RHPN1: variants seen among roughly 807,000 people sequenced by gnomAD.
The protein encoded by RHPN1 is rhophilin Rho GTPase binding protein 1.
In RHPN1, 77 loss-of-function variants were observed where a neutral mutation model predicts 74.7. The ratio of observed to expected loss-of-function variants is 1.03; its 90% CI spans 0.86 to 1.25. RHPN1 has a LOEUF of 1.25. Among genes scored for constraint, RHPN1 ranks in the 50% most tolerant of loss-of-function variants. The pLI is 0.00. For missense variants in RHPN1, 987 were observed against 932.2 expected (o/e 1.06, Z -0.77); for synonymous variants, 444 against 414.5 (o/e 1.07, Z -0.87).
intron 1 of RHPN1, among the ~76,000 whole-genome samples, chr8:143,371,957 G>A (rs907839230): frequency 6.6e-6 from 1 of 152,248 alleles, no homozygotes; most frequent in Non-Finnish European, 1.5e-5. Context: ...GGTCTACCCA[G>A]CCTCAAAGGT....
chr8:143,378,356 T>TCCA lies in RHPN1; in HGVS notation c.459+12_459+13insACC. On this transcript the variant is annotated intron_variant, in intron 5 of 14. Transcript: ENST00000289013. ...GGAGGCCCTGCGGCAGGTGTGTGGT[T>TCCA]CCCCCGCCCACCCACCCTCCTGCAG... 28 of 1,525,426 alleles carry TCCA rather than the reference T, an allele frequency of 1.8e-5. No homozygotes were observed. Among genetic ancestry groups the TCCA allele is most frequent in the South Asian group, 9.6e-5 (8 of 83,566 alleles). 94.5% of individuals were successfully genotyped at this position (1,525,426 alleles called of 1,614,324 possible).
intron 4 of RHPN1, among the ~76,000 whole-genome samples, chr8:143,377,706 G>T (rs1426059516): frequency 6.6e-6 from 1 of 152,180 alleles, no homozygotes; most frequent in Non-Finnish European, 1.5e-5. Flanking sequence ...GTGAACATGT[G>T]CCCTACCCTC....
chr8:143,382,435 G>T lies in RHPN1; in HGVS notation c.1798-1G>T. On this transcript the variant is annotated splice_acceptor_variant, in intron 14 of 14. Transcript: ENST00000289013. LOFTEE classifies it high-confidence loss of function. ...ACAGTCTGTCTCTGTCCCTGCTGCA[G>T]GGGGACCGCCGGCCCGTCCTGCTGG... The T allele has an allele frequency of 6.4e-7, 1 of 1,557,942 alleles. No individual in the cohort carries two copies.
At position 143,376,872 on chromosome 8, in the gene RHPN1, G is replaced by GTGTGCAT. The variant is rs751676516; in HGVS notation, c.305+223_305+224insCATTGTG. Among the ~76,000 whole-genome samples, 4 of 23,088 alleles carry GTGTGCAT rather than the reference G, an allele frequency of 1.7e-4. No homozygotes were observed. The East Asian group carries it at 0.01, about 59-fold the overall frequency. 15.1% of individuals were successfully genotyped at this position (23,088 alleles called of 152,430 possible). ...TGTGCGTGTGTCTCTGTGTGTATAT[G>GTGTGCAT]TGTGTGCATGTGTGTGCATGCGTCT... On this transcript the variant is annotated intron_variant, in intron 3 of 14. Transcript: ENST00000289013.
chr8:143,368,796 C>T, upstream of RHPN1: 1 of 342,688 alleles, frequency 2.9e-6, no homozygotes, highest in East Asian at 4.6e-5. Flanking sequence ...TGGCCAGCTT[C>T]GCACGCCAGA....
In RHPN1 at chr8:143,378,254, C is replaced by G; in HGVS notation, c.382-15C>G. On this transcript the variant is annotated splice_polypyrimidine_tract_variant and intron_variant, in intron 4 of 14. Coordinates refer to ENST00000289013, the MANE Select transcript of RHPN1 (RefSeq NM_052924.3). ...CACAGGGGTACTGTGGATGCCAACA[C>G]CTGCCCCCCATCAGGAGCTGATCTC... The G allele has an allele frequency of 6.4e-7, 1 of 1,561,104 alleles. No individual in the cohort carries two copies. The highest frequency in any genetic ancestry group is 8.7e-7 in the Non-Finnish European group (1 of 1,152,414).
Position 143,382,922 on chromosome 8 carries a change from C to T in RHPN1, c.*271C>T, listed in dbSNP as rs1317845420. The T allele has an allele frequency of 1.9e-6, 1 of 518,232 alleles. No homozygotes were observed. The highest frequency in any genetic ancestry group is 1.9e-5 in the African/African-American group (1 of 52,460). The allele number at this position is 518,232 out of a possible 1,614,324, so 32.1% of individuals were successfully genotyped here. ...GCTGCCCCACCCTGAGGGCTCCTTA[C>T]AGGGTGCTCCTCACAGCCATCCCAT... On this transcript the variant is annotated 3_prime_UTR_variant, in exon 15 of 15. Coordinates refer to ENST00000289013, the MANE Select transcript of RHPN1 (RefSeq NM_052924.3).
intron 3 of RHPN1, 30 bp downstream of exon 3, chr8:143,376,683 G>A (rs764241491): frequency 1.0e-5 from 16 of 1,544,618 alleles, no homozygotes; most frequent in South Asian, 8.3e-5. Flanking sequence ...CAGCACGTGC[G>A]TGTATGTGTG....
intron 5 of RHPN1, 132 bp downstream of exon 5, chr8:143,378,478 G>T: frequency 2.0e-6 from 2 of 991,502 alleles, no homozygotes; most frequent in South Asian, 1.5e-5. Flanking sequence ...GGGCGCACCA[G>T]GGGCCCTGTG....
At chr8:143,374,556 G>A (rs1000058899) in intron 1 of RHPN1, among the ~76,000 whole-genome samples, 1 of 152,236 alleles carries the variant, frequency 6.6e-6, no homozygotes, top group Non-Finnish European at 1.5e-5. Flanking sequence ...AGTGGGTGCT[G>A]GAGAGGCAAG....
chr8:143,379,793 G>A (rs1246639869), intron 8 of RHPN1, 36 bp from the exon 9 acceptor site: 55 of 1,581,670 alleles, frequency 3.5e-5, no homozygotes, highest in Non-Finnish European at 4.3e-5. Context: ...CCTGGAGAGT[G>A]GGAGGCCCTC....
intron 1 of RHPN1, among the ~76,000 whole-genome samples, chr8:143,369,478 A>G (rs1376688354): frequency 6.6e-6 from 1 of 152,222 alleles, no homozygotes; most frequent in African/African-American, 2.4e-5. Flanking sequence ...AGCAGCGGGC[A>G]GCGAAGCCTC....
At position 143,383,877 on chromosome 8, in the gene RHPN1, T is replaced by A. The variant is rs1818900625; in HGVS notation, c.*1226T>A. 6.6e-6 allele frequency: 1 copy of A among 152,382 alleles called. No homozygotes were observed. The highest frequency in any genetic ancestry group is 2.4e-5 in the African/African-American group (1 of 41,468). 9.4% of individuals were successfully genotyped at this position (152,382 alleles called of 1,614,324 possible). The stretch of plus-strand genomic sequence containing the variant: ...GCGGCCCCCAGCTCTGCGAGACCCC[T>A]GCCCTCTTGTCCAGTCCCTTCCGAG... On this transcript the variant is annotated 3_prime_UTR_variant, in exon 15 of 15. Coordinates refer to ENST00000289013, the MANE Select transcript of RHPN1 (RefSeq NM_052924.3).
chr8:143,375,517 G>A (rs560948706), intron 1 of RHPN1, 36 bp from the exon 2 acceptor site: 34 of 1,472,438 alleles, frequency 2.3e-5, no homozygotes, highest in South Asian at 2.1e-4. Flanking sequence ...CGGGCGCCAC[G>A]GGGTCGGGCT....
Position 143,379,096 on chromosome 8 carries a change from C to T in RHPN1, c.751+18C>T, listed in dbSNP as rs1433627139. 2.7e-6 allele frequency: 4 copies of T among 1,475,178 alleles called. No homozygotes were observed. The highest frequency in any genetic ancestry group is 2.7e-6 in the Non-Finnish European group (3 of 1,116,236). The allele number at this position is 1,475,178 out of a possible 1,614,324, so 91.4% of individuals were successfully genotyped here. ...GGCCGCTGGTGAGGGCGGCCCGGGC[C>T]GCGGTGGGGCACGGCGCGGTGCCAG... On this transcript the variant is annotated intron_variant, in intron 7 of 14. Coordinates refer to ENST00000289013, the MANE Select transcript of RHPN1 (RefSeq NM_052924.3).
chr8:143,366,771 A>T (rs1382397594), upstream of RHPN1: 1 of 152,208 alleles, frequency 6.6e-6, no homozygotes, highest in Non-Finnish European at 1.5e-5. Flanking sequence ...AAGCCTGCAA[A>T]ACAAATACGT....
In RHPN1 at chr8:143,382,585, C is replaced by T. The variant is rs753110030; in HGVS notation, c.1947C>T (p.Cys649=). Reference sequence around the variant, plus strand: ...CCCAGCAGGGCAAGACTGGAGGCTGCCCCCAGCCCTGTGCCCCAGTGAAGC... The same window carrying T: ...CCCAGCAGGGCAAGACTGGAGGCTGTCCCCAGCCCTGTGCCCCAGTGAAGC... The part of the protein sequence containing the change: ...RKAQQGKTGG[C]PQPCAPVKPA... Residue 649 remains cysteine, a synonymous_variant, in exon 15 of 15, where the codon TGC becomes TGT. Coordinates refer to ENST00000289013, the MANE Select transcript of RHPN1 (RefSeq NM_052924.3). The T allele has an allele frequency of 6.2e-7, 1 of 1,611,238 alleles. No homozygotes were observed. The highest frequency in any genetic ancestry group is 8.5e-7 in the Non-Finnish European group (1 of 1,179,708).
chr8:143,378,085 C>T (rs1367604977), intron 4 of RHPN1, among the ~76,000 whole-genome samples, 184 bp from the exon 5 acceptor site: 1 of 152,372 alleles, frequency 6.6e-6, no homozygotes, highest in East Asian at 1.9e-4. Context: ...ACACATTGGC[C>T]CCCAGCCCTT....
intron 8 of RHPN1, 49 bp from the exon 9 acceptor site, chr8:143,379,780 C>G: frequency 1.3e-6 from 2 of 1,562,410 alleles, no homozygotes; most frequent in Non-Finnish European, 1.7e-6. Context: ...GAAGCAGGCA[C>G]CACCTGGAGA....
Sources: allele counts gnomAD v4.1 joint callset (sites outside exome capture counted in the v4.1 genomes callset), GRCh38; gene constraint gnomAD v4.1.1; transcripts MANE v1.5; gene names NCBI Gene and HGNC (gene_info 2026-07-23, HGNC 2026-07-21).